ARHGEF7: variants seen among roughly 807,000 people sequenced by gnomAD.
The protein encoded by ARHGEF7 is PAK-interacting exchange factor beta.
A neutral mutation model predicts 109.8 loss-of-function variants in ARHGEF7; 33 were observed. The ratio of observed to expected loss-of-function variants is 0.30; its 90% CI spans 0.23 to 0.40. The LOEUF (loss-of-function observed/expected upper bound fraction) is 0.40, where lower values mean the gene tolerates loss of function less well. Among genes scored for constraint, ARHGEF7 ranks in the 10% least tolerant of loss-of-function variants. The pLI is 1.00. For synonymous variants in ARHGEF7, 458 were observed against 424.6 expected, an observed-to-expected ratio of 1.08 and a Z score of -0.97; for missense variants, 938 against 1,098.5, an observed-to-expected ratio of 0.85 and a Z score of 2.07.
At position 111,275,623 on chromosome 13, in the gene ARHGEF7, C is replaced by G. The variant is rs761683855; in HGVS notation, c.1364C>G (p.Thr455Ser). 6.2e-7 allele frequency: 1 copy of G among 1,614,180 alleles called. No homozygotes were observed. The highest frequency in any genetic ancestry group is 1.7e-5 in the Admixed American group (1 of 60,018). The change falls in exon 12 of 22, where the codon ACT (threonine) becomes AGT (serine). Residue 455 changes from threonine (T) to serine (S), a missense_variant. This residue lies in a region of ARHGEF7 where 585 missense variants were observed against 723.6 expected (regional missense o/e 0.81). Transcript: ENST00000646102. ...IRNWEGDDIK[T>S]LGNVTYMSQV... ...AACTGGGAGGGCGATGACATTAAAA[C>G]TCTGGGCAACGTCACTTACATGTCC...
chr13:111,182,424 C>G (rs1412914117), intron 2 of ARHGEF7: 1 of 152,434 alleles, frequency 6.6e-6, no homozygotes, highest in Non-Finnish European at 1.5e-5. Flanking sequence ...TCCAGTGTGA[C>G]TCCATCCGCC....
chr13:111,233,146 C>A, intron 5 of ARHGEF7, 59 bp from the exon 6 acceptor site: 1 of 1,422,258 alleles, frequency 7.0e-7, no homozygotes, highest in Non-Finnish European at 9.9e-7. Context: ...GTGTGAGGGG[C>A]TGGAACTTTT....
intron 5 of ARHGEF7, among the ~76,000 whole-genome samples, chr13:111,231,000 G>T (rs1000302637): frequency 6.6e-6 from 1 of 152,146 alleles, no homozygotes; most frequent in African/African-American, 2.4e-5. Flanking sequence ...TGTGAGGTAT[G>T]TCTTAAGTTT....
At position 111,217,687 on chromosome 13, in the gene ARHGEF7, C is replaced by T. The variant is rs184758955; in HGVS notation, c.477C>T (p.Thr159=). Residue 159 remains threonine (T), a synonymous_variant, in exon 5 of 22, where the codon ACC becomes ACT. Coordinates refer to ENST00000646102, the MANE Select transcript of ARHGEF7 (RefSeq NM_001354046.2). The stretch of plus-strand genomic sequence containing the variant: ...TCTTCTTCCCCTTTTAGGACATGAC[C>T]GATAATAGCAACAATCAACTGGTAG... ...FQGQYRSLDM[T]DNSNNQLVVR... is the part of the protein sequence containing the mutation. The T allele has an allele frequency of 3.4e-5, 55 of 1,613,734 alleles. No homozygotes were observed. In the East Asian group the frequency reaches 8.9e-4, roughly 26 times the overall value.
rs2093615895 is a variant in ARHGEF7 at position 111,303,974 on chromosome 13, CTGTAAATAGAA to C, written c.*866_*876del. The C allele has an allele frequency of 1.3e-5, 2 of 152,316 alleles. No homozygotes were observed. The highest frequency in any genetic ancestry group is 2.9e-5 in the Non-Finnish European group (2 of 68,030). 9.4% of individuals were successfully genotyped at this position (152,316 alleles called of 1,614,324 possible). On this transcript the variant is annotated 3_prime_UTR_variant, in exon 22 of 22. Transcript: ENST00000646102. The stretch of plus-strand genomic sequence containing the variant: ...CCTCAAAGAGAGATCTTACTAGAAC[CTGTAAATAGAA>C]TGTATTATTTATTATAAGTCACTGC...
intron 13 of ARHGEF7, among the ~76,000 whole-genome samples, 174 bp from the exon 14 acceptor site, chr13:111,280,098 T>G (rs1264712721): frequency 1.3e-5 from 2 of 152,194 alleles, no homozygotes; most frequent in Non-Finnish European, 2.9e-5. Flanking sequence ...AATTTATTAT[T>G]TGAGATAAAA....
At chr13:111,274,815 C>T (rs756716593) in intron 11 of ARHGEF7, 25 bp downstream of exon 11, 53 of 1,357,178 alleles carry the variant, frequency 3.9e-5, no homozygotes, top group Admixed American at 1.1e-4. Context: ...ATATTGTTTT[C>T]CCCCCCAGAC....
chr13:111,208,561 C>T (rs1270528732), intron 3 of ARHGEF7, among the ~76,000 whole-genome samples: 1 of 152,142 alleles, frequency 6.6e-6, no homozygotes, highest in Non-Finnish European at 1.5e-5. Context: ...TTCAGGATGG[C>T]CCTCCTTGTA....
intron 3 of ARHGEF7, 40 bp from the exon 4 acceptor site, chr13:111,209,832 C>G: frequency 3.1e-6 from 5 of 1,602,560 alleles, no homozygotes; most frequent in Non-Finnish European, 4.3e-6. Context: ...TGGTATCAGG[C>G]GCTCTCAGCT....
At chr13:111,177,075 A>G (rs2078241227) in intron 2 of ARHGEF7, among the ~76,000 whole-genome samples, 1 of 152,244 alleles carries the variant, frequency 6.6e-6, no homozygotes, top group Non-Finnish European at 1.5e-5. Flanking sequence ...TATTTTATAA[A>G]TAAGTGGTGT....
intron 2 of ARHGEF7, among the ~76,000 whole-genome samples, chr13:111,173,909 A>C (rs1233376521): frequency 6.6e-6 from 1 of 152,138 alleles, no homozygotes; most frequent in Non-Finnish European, 1.5e-5. Flanking sequence ...TGGTGTTTGC[A>C]TTGCACTGAC....
intron 8 of ARHGEF7, 31 bp downstream of exon 8, chr13:111,244,325 C>G (rs887995112): frequency 1.5e-6 from 2 of 1,338,560 alleles, no homozygotes; most frequent in African/African-American, 1.5e-5. Flanking sequence ...TTGCAACACT[C>G]AGGTTGGTAT....
At chr13:111,283,077 C>T in intron 15 of ARHGEF7, 62 bp from the exon 16 acceptor site, 3 of 1,524,620 alleles carry the variant, frequency 2.0e-6, no homozygotes, top group African/African-American at 1.4e-5. Flanking sequence ...TGATAAGTGC[C>T]CTTTCGCGGT....
At chr13:111,187,243 GC>G (rs2079358971) in intron 2 of ARHGEF7, among the ~76,000 whole-genome samples, 1 of 152,224 alleles carries the variant, frequency 6.6e-6, no homozygotes, top group African/African-American at 2.4e-5. Flanking sequence ...TCCTTGGACA[GC>G]TCTCCTTGTT....
At chr13:111,212,814 C>T (rs1459610671) in intron 4 of ARHGEF7, among the ~76,000 whole-genome samples, 3 of 152,178 alleles carry the variant, frequency 2.0e-5, no homozygotes, top group Non-Finnish European at 4.4e-5. Flanking sequence ...CATTTTAACA[C>T]ATCTGGAAGT....
chr13:111,274,888 A>T, intron 11 of ARHGEF7, 98 bp downstream of exon 11: 1 of 835,550 alleles, frequency 1.2e-6, no homozygotes, highest in Admixed American at 3.2e-5. Context: ...TTAAAAAATG[A>T]CTTGTGCTGA....
At chr13:111,256,117 G>A (rs995316416) in intron 8 of ARHGEF7, among the ~76,000 whole-genome samples, 8 of 152,098 alleles carry the variant, frequency 5.3e-5, no homozygotes, top group African/African-American at 1.7e-4. Context: ...TGTGTCTTTA[G>A]TCTTATTCTT....
intron 20 of ARHGEF7, among the ~76,000 whole-genome samples, chr13:111,301,089 C>T (rs1473397568): frequency 6.6e-6 from 1 of 152,134 alleles, no homozygotes; most frequent in African/African-American, 2.4e-5. Flanking sequence ...GCTGGGATTA[C>T]AGGCCTGTGC....
At chr13:111,121,400 C>T (rs1167614653) in intron 1 of ARHGEF7, among the ~76,000 whole-genome samples, 3 of 152,242 alleles carry the variant, frequency 2.0e-5, no homozygotes, top group Non-Finnish European at 4.4e-5. Context: ...TGTGCATCTA[C>T]ACCACACACA....
Sources: allele counts gnomAD v4.1 joint callset (sites outside exome capture counted in the v4.1 genomes callset), GRCh38; gene constraint gnomAD v4.1.1; regional missense constraint gnomAD v4.1.1; transcripts MANE v1.5; gene names NCBI Gene and HGNC (gene_info 2026-07-23, HGNC 2026-07-21).